MYH10: variants seen among roughly 807,000 people sequenced by gnomAD.
MYH10 encodes myosin heavy chain 10.
Under a neutral mutation model 257.8 loss-of-function variants are expected in MYH10, and 55 were observed. That is an observed-to-expected ratio of 0.21 (90% CI 0.17 to 0.27). The LOEUF is 0.27. Ranked by LOEUF, MYH10 falls within the 10% of genes least tolerant of loss-of-function variation. MYH10 has a pLI of 1.00. For missense variants in MYH10, 1,631 were observed against 2,500.6 expected (o/e 0.65, Z 7.42); for synonymous variants, 854 against 921.7 (o/e 0.93, Z 1.33).
chr17:8,477,941 C>T lies in MYH10; in HGVS notation c.5706+397G>A, dbSNP rs1297833992. Among the ~76,000 whole-genome samples, 2 of 152,188 alleles carry T rather than the reference C, an allele frequency of 1.3e-5. No individual in the cohort carries two copies. The highest frequency in any genetic ancestry group is 3.8e-4 in the East Asian group (2 of 5,196). On this transcript the variant is annotated intron_variant, in intron 41 of 42. Coordinates refer to ENST00000360416, the MANE Select transcript of MYH10 (RefSeq NM_001256012.3). The surrounding 1 kb of genome is among the most constrained non-coding windows in gnomAD (Gnocchi z 4.2). ...GTGCAGCGTGCAGTACCTTTGTCTT[C>T]CCTTCACTTTCTATTCAGTATCTCC...
chr17:8,502,728 G>A (rs567985230), intron 28 of MYH10, among the ~76,000 whole-genome samples: 1 of 152,258 alleles, frequency 6.6e-6, no homozygotes, highest in East Asian at 1.9e-4. Flanking sequence ...AAGAATGGAG[G>A]ACATGTCTGA....
At chr17:8,596,057 A>T (rs1300361798) in intron 3 of MYH10, among the ~76,000 whole-genome samples, 3 of 152,036 alleles carry the variant, frequency 2.0e-5, no homozygotes, top group Admixed American at 1.3e-4. Context: ...TGTAAATGGC[A>T]TATGAGTGTA....
chr17:8,556,781 A>C (rs182492860), intron 7 of MYH10, among the ~76,000 whole-genome samples: 7 of 152,358 alleles, frequency 4.6e-5, no homozygotes, highest in South Asian at 4.1e-4. Flanking sequence ...TTTCAAAAAC[A>C]ATCAAGGGAG....
intron 36 of MYH10, among the ~76,000 whole-genome samples, chr17:8,486,698 A>G (rs1360016254): frequency 6.6e-6 from 1 of 151,658 alleles, no homozygotes; most frequent in Non-Finnish European, 1.5e-5. Flanking sequence ...ACACATGTGT[A>G]GAGTTACAAG....
At chr17:8,534,269 C>T (rs2151930782) in intron 16 of MYH10, among the ~76,000 whole-genome samples, 2 of 152,316 alleles carry the variant, frequency 1.3e-5, no homozygotes, top group East Asian at 3.9e-4. Context: ...AGATTAAAGG[C>T]TTCTGTTTTA....
chr17:8,545,717 G>C lies in MYH10; in HGVS notation c.1279-117C>G. 1.1e-6 allele frequency: 1 copy of C among 920,518 alleles called. No individual in the cohort carries two copies. The highest frequency in any genetic ancestry group is 1.7e-5 in the African/African-American group (1 of 59,636). The allele number at this position is 920,518 out of a possible 1,614,324, so 57.0% of individuals were successfully genotyped here. On this transcript the variant is annotated intron_variant, in intron 12 of 42. Coordinates refer to ENST00000360416, the MANE Select transcript of MYH10 (RefSeq NM_001256012.3). This position sits in a 1 kb window ranked among gnomAD's most constrained non-coding sequence, Gnocchi z 4.7. The stretch of plus-strand genomic sequence containing the variant: ...CAAAAAACCTGAGATGGCATTCACT[G>C]CTTAATCATGTCTCAATTTTACACA...
At chr17:8,486,528 C>A (rs1195831533) in intron 36 of MYH10, among the ~76,000 whole-genome samples, 1 of 92,966 alleles carries the variant, frequency 1.1e-5, no homozygotes, top group African/African-American at 4.9e-5. Flanking sequence ...AAAAAAAAAT[C>A]TTTATATTTA....
chr17:8,544,511 C>T (rs1382628515), intron 13 of MYH10, among the ~76,000 whole-genome samples: 1 of 152,018 alleles, frequency 6.6e-6, no homozygotes, highest in African/African-American at 2.4e-5. Flanking sequence ...ATTTACAAAT[C>T]AAAACACCTT....
At chr17:8,593,551 T>A (rs994697483) in intron 3 of MYH10, among the ~76,000 whole-genome samples, 6 of 152,146 alleles carry the variant, frequency 3.9e-5, no homozygotes, top group Non-Finnish European at 4.4e-5. Context: ...GAAATTGAAA[T>A]TTTGAAAGTT....
intron 42 of MYH10, 133 bp downstream of exon 42, chr17:8,476,739 TTAAA>T: frequency 9.9e-7 from 1 of 1,014,136 alleles, no homozygotes; most frequent in Non-Finnish European, 1.4e-6. Context: ...GTCAGAAATC[TTAAA>T]TGAAGTGGTT....
intron 14 of MYH10, 153 bp downstream of exon 14, chr17:8,541,954 G>A (rs1439314155): frequency 1.4e-5 from 10 of 699,778 alleles, no homozygotes; most frequent in Non-Finnish European, 2.0e-5. Context: ...AAATTCTGTA[G>A]CTATTTTATC....
At chr17:8,550,836 CT>C (rs2082617083) in intron 9 of MYH10, among the ~76,000 whole-genome samples, 1 of 152,060 alleles carries the variant, frequency 6.6e-6, no homozygotes, top group East Asian at 1.9e-4. Flanking sequence ...GATCTGAGAC[CT>C]TACCCCCAAC....
Position 8,484,282 on chromosome 17 carries a change from A to C in MYH10, c.5047-16T>G. ...TCATCTGAGCCTAAGATTAAATAAG[A>C]AGGTTTTGGGGTGGTTTACATTCTT... is the stretch of plus-strand genomic sequence containing the variant. On this transcript the variant is annotated splice_polypyrimidine_tract_variant and intron_variant, in intron 36 of 42. Coordinates refer to ENST00000360416, the MANE Select transcript of MYH10 (RefSeq NM_001256012.3). 6.3e-7 allele frequency: 1 copy of C among 1,598,770 alleles called. No homozygotes were observed. Among genetic ancestry groups the C allele is most frequent in the Non-Finnish European group, 8.5e-7 (1 of 1,175,876 alleles).
chr17:8,532,067 C>T (rs1470606672), intron 16 of MYH10, among the ~76,000 whole-genome samples: 1 of 152,194 alleles, frequency 6.6e-6, no homozygotes, highest in African/African-American at 2.4e-5. Flanking sequence ...CAGTGAGTGG[C>T]CTCTGAGATC....
intron 3 of MYH10, among the ~76,000 whole-genome samples, chr17:8,600,939 A>G (rs2084567168): frequency 6.6e-6 from 1 of 152,212 alleles, no homozygotes; most frequent in African/African-American, 2.4e-5. Context: ...ACATACAGAA[A>G]GTTTGCACAT....
rs747930025 is a variant in MYH10 at position 8,513,568 on chromosome 17, C to T, written c.2715G>A (p.Glu905=). The change falls in exon 23 of 43, where the codon GAG becomes GAA. Residue 905 remains glutamate (E), a synonymous_variant. Coordinates refer to ENST00000360416, the MANE Select transcript of MYH10 (RefSeq NM_001256012.3). ...GGTGCTTCCGCTCCATCTCCTCCAG[C>T]TCTCCTTCCACCTTCGTCTGCTTCT... is the stretch of plus-strand genomic sequence containing the variant. ...VKEKQTKVEG[E]LEEMERKHQQ... 6.2e-7 allele frequency: 1 copy of T among 1,614,124 alleles called. No homozygotes were observed. The highest frequency in any genetic ancestry group is 2.2e-5 in the East Asian group (1 of 44,890).
At chr17:8,524,867 A>G (rs2081790375) in intron 17 of MYH10, among the ~76,000 whole-genome samples, 1 of 152,204 alleles carries the variant, frequency 6.6e-6, no homozygotes, top group African/African-American at 2.4e-5. Context: ...CAGCATAGCA[A>G]TGGCCTTCAC....
intron 17 of MYH10, among the ~76,000 whole-genome samples, chr17:8,529,729 T>C (rs544644122): frequency 6.6e-6 from 1 of 152,360 alleles, no homozygotes; most frequent in African/African-American, 2.4e-5. Context: ...ATTTTAAATA[T>C]AACTTTTGAG....
chr17:8,576,558 G>A (rs1441334341), intron 6 of MYH10, 85 bp downstream of exon 6: 3 of 1,278,132 alleles, frequency 2.3e-6, no homozygotes, highest in South Asian at 2.6e-5. Flanking sequence ...AGAACTAGTG[G>A]CATTTGATTC....
Sources: gnomAD v4.1 joint callset for allele counts (sites outside exome capture counted in the v4.1 genomes callset) on GRCh38, gnomAD v4.1.1 for gene constraint, Gnocchi (gnomAD v3.1) non-coding constraint, MANE v1.5 for transcripts, NCBI Gene and HGNC (gene_info 2026-07-23, HGNC 2026-07-21) for gene names.